The following CFAP47 variants were observed in gnomAD, a reference collection of about 807,000 sequenced individuals.
CFAP47 encodes the protein cilia- and flagella-associated protein 47.
In CFAP47, 29 loss-of-function variants were observed where a neutral mutation model predicts 148.1. That is an observed-to-expected ratio of 0.20 (90% CI 0.15 to 0.27). The LOEUF (loss-of-function observed/expected upper bound fraction) is 0.27, where lower values mean the gene tolerates loss of function less well. Among genes scored for constraint, CFAP47 ranks in the 10% least tolerant of loss-of-function variants. The probability of loss-of-function intolerance (pLI) is 1.00; values close to 1 mark genes in which losing one functional copy is unlikely to be tolerated. For synonymous variants in CFAP47, 664 were observed against 577.3 expected (o/e 1.15, Z -2.15); for missense variants, 1,872 against 1,697.5 (o/e 1.10, Z -1.81).
chrX:36,172,107 G>A lies in CFAP47; in HGVS notation c.6027-7238G>A, dbSNP rs1307710179. Among the ~76,000 whole-genome samples, 13 of 107,467 alleles carry A rather than the reference G, an allele frequency of 1.2e-4. No homozygotes were observed. In the East Asian group the frequency reaches 2.0e-3, roughly 17 times the overall value. The allele number at this position is 107,467 out of a possible 115,157, so 93.3% of individuals were successfully genotyped here. A position where few individuals can be genotyped will look rare whatever the true frequency, so the allele number is the denominator to read the frequency against. ...TGATTTGGCTCTCTGTTTGTCTGTC[G>A]TTGGTGTATAAGAATGCTTGTGATT... is the stretch of plus-strand genomic sequence containing the variant. On this transcript the variant is annotated intron_variant, in intron 39 of 63. Coordinates refer to ENST00000378653, the MANE Select transcript of CFAP47 (RefSeq NM_001304548.2).
intron 47 of CFAP47, among the ~76,000 whole-genome samples, chrX:36,236,425 A>G (rs1940467176): frequency 8.9e-6 from 1 of 112,208 alleles, no homozygotes; most frequent in African/African-American, 3.2e-5. Context: ...GGAAGTAGAC[A>G]TGCATATAAT....
At chrX:36,338,251 T>C (rs1443875255) in intron 57 of CFAP47, among the ~76,000 whole-genome samples, 2 of 108,997 alleles carry the variant, frequency 1.8e-5, no homozygotes, top group Non-Finnish European at 3.8e-5. Flanking sequence ...GCTCTCAGTT[T>C]AAAAGTCACA....
At chrX:36,133,301 T>TG (rs1377640728) in intron 33 of CFAP47, among the ~76,000 whole-genome samples, 1 of 111,334 alleles carries the variant, frequency 9.0e-6, no homozygotes, top group Non-Finnish European at 1.9e-5. Context: ...GACTTCTGTA[T>TG]ATCTGTCTTA....
At chrX:36,125,768 T>C (rs1251922454) in intron 33 of CFAP47, among the ~76,000 whole-genome samples, 1 of 111,425 alleles carries the variant, frequency 9.0e-6, no homozygotes, top group Non-Finnish European at 1.9e-5. Flanking sequence ...GACAAGCAAC[T>C]ATCATATTCC....
intron 33 of CFAP47, among the ~76,000 whole-genome samples, chrX:36,114,397 G>A (rs774190609): frequency 1.8e-5 from 2 of 111,924 alleles, no homozygotes; most frequent in Non-Finnish European, 3.8e-5. Flanking sequence ...AAGTGATGCA[G>A]TAGTTTGGGG....
intron 49 of CFAP47, among the ~76,000 whole-genome samples, chrX:36,269,894 T>C (rs1940938028): frequency 8.9e-6 from 1 of 111,913 alleles, no homozygotes; most frequent in African/African-American, 3.2e-5. Flanking sequence ...ACATTGTATA[T>C]AAATGAAATC....
chrX:36,234,162 G>A (rs1940416304), intron 46 of CFAP47, among the ~76,000 whole-genome samples: 1 of 109,128 alleles, frequency 9.2e-6, no homozygotes, highest in Non-Finnish European at 1.9e-5. Flanking sequence ...ATGTTGGCCT[G>A]CCTTGCTAGA....
intron 33 of CFAP47, among the ~76,000 whole-genome samples, chrX:36,124,900 CAATTG>C: frequency 9.0e-6 from 1 of 110,907 alleles, no homozygotes. Context: ...GGAATATTCA[CAATTG>C]AATTGAACAC....
intron 22 of CFAP47, among the ~76,000 whole-genome samples, chrX:36,026,948 G>A (rs1478761907): frequency 9.3e-6 from 1 of 107,857 alleles, no homozygotes; most frequent in Non-Finnish European, 1.9e-5. Context: ...ATCTTCTCTT[G>A]TATTTAGAAA....
chrX:35,951,931 A>G lies in CFAP47; in HGVS notation c.1014A>G (p.Gln338=), dbSNP rs769796773. ...LPNEGTLQPY[Q]KTVITFCFTP... Reference sequence around the variant, plus strand: ...ATGAAGGGACTTTACAACCTTATCAAAAGACTGTAATTACATTTTGTTTCA... The same window carrying G: ...ATGAAGGGACTTTACAACCTTATCAGAAGACTGTAATTACATTTTGTTTCA... Residue 338 remains glutamine, a synonymous_variant, in exon 6 of 64, where the codon CAA becomes CAG. Transcript: ENST00000378653. 5.1e-6 allele frequency: 6 copies of G among 1,171,887 alleles called. No individual in the cohort carries two copies. The South Asian group carries it at 8.0e-5, about 16-fold the overall frequency.
chrX:36,263,481 T>C (rs1940853962), intron 49 of CFAP47, among the ~76,000 whole-genome samples: 1 of 112,294 alleles, frequency 8.9e-6, no homozygotes, highest in Non-Finnish European at 1.9e-5. Flanking sequence ...GGAATAAACT[T>C]TCTACCCATA....
In CFAP47 at chrX:36,285,571, T is replaced by C; in HGVS notation, c.7589-58T>C. 6.1e-6 allele frequency: 3 copies of C among 493,306 alleles called. No individual in the cohort carries two copies. In the East Asian group the frequency reaches 1.2e-4, roughly 19 times the overall value. 40.7% of individuals were successfully genotyped at this position (493,306 alleles called of 1,213,427 possible). A position where few individuals can be genotyped will look rare whatever the true frequency, so the allele number is the denominator to read the frequency against. On this transcript the variant is annotated intron_variant, in intron 50 of 63. Transcript: ENST00000378653. ...TGTCTGTTCATGATTCTCAAATGTGTATGTTAAGTATGGTATTCTGAAGTC... is the reference window on the plus strand; with the variant it reads ...TGTCTGTTCATGATTCTCAAATGTGCATGTTAAGTATGGTATTCTGAAGTC...
At chrX:36,171,912 G>A (rs1435393380) in intron 39 of CFAP47, among the ~76,000 whole-genome samples, 3 of 109,202 alleles carry the variant, frequency 2.7e-5, no homozygotes, top group Non-Finnish European at 5.7e-5. Context: ...TCACGATATT[G>A]ATTCTTCCTA....
chrX:36,354,648 A>G (rs1404500857), intron 60 of CFAP47, among the ~76,000 whole-genome samples: 4 of 110,727 alleles, frequency 3.6e-5, no homozygotes, highest in Non-Finnish European at 7.5e-5. Context: ...CCCTCCAAAC[A>G]CCCACAAACA....
intron 57 of CFAP47, among the ~76,000 whole-genome samples, chrX:36,321,914 A>G (rs1556012061): frequency 9.0e-6 from 1 of 111,241 alleles, no homozygotes; most frequent in East Asian, 2.8e-4. Flanking sequence ...ATGTCATTCC[A>G]CATTTTGAAA....
At chrX:36,342,973 C>G (rs781860512) in intron 57 of CFAP47, among the ~76,000 whole-genome samples, 4 of 110,766 alleles carry the variant, frequency 3.6e-5, no homozygotes, top group Admixed American at 1.9e-4. Flanking sequence ...TTCCCCCACC[C>G]CCTGACAGGC....
chrX:36,015,239 T>G (rs1477963930), intron 22 of CFAP47, among the ~76,000 whole-genome samples: 3 of 101,662 alleles, frequency 3.0e-5, no homozygotes, highest in Middle Eastern at 5.1e-3. Context: ...AAAATGCATT[T>G]AACATAAAAT....
At chrX:35,959,107 T>C (rs1373341933) in intron 8 of CFAP47, among the ~76,000 whole-genome samples, 3 of 112,520 alleles carry the variant, frequency 2.7e-5, no homozygotes, top group Non-Finnish European at 5.6e-5. Context: ...CATCCTGTGT[T>C]AGGCTTCTGA....
intron 35 of CFAP47, 93 bp from the exon 36 acceptor site, chrX:36,145,126 C>A: frequency 1.9e-4 from 46 of 247,519 alleles, no homozygotes; most frequent in East Asian, 3.0e-4. Flanking sequence ...TGTGTATGTG[C>A]ATATATACAG....
Sources: gnomAD v4.1 joint callset for allele counts (sites outside exome capture counted in the v4.1 genomes callset) on GRCh38, gnomAD v4.1.1 for gene constraint, MANE v1.5 for transcripts, NCBI Gene and HGNC (gene_info 2026-07-23, HGNC 2026-07-21) for gene names.